Variants in RNF13 observed in about 807,000 individuals in gnomAD.
RNF13 encodes E3 ubiquitin-protein ligase RNF13.
A neutral mutation model predicts 37.7 loss-of-function variants in RNF13; 19 were observed. The observed-to-expected ratio is 0.50, with a 90% CI of 0.35 to 0.74. The LOEUF is 0.74. Among genes scored for constraint, RNF13 ranks in the 30% least tolerant of loss-of-function variants. The pLI, the probability that RNF13 is intolerant of heterozygous loss-of-function variation, is 0.01. For missense variants in RNF13, 375 were observed against 453.0 expected, an observed-to-expected ratio of 0.83 and a Z score of 1.56; for synonymous variants, 144 against 157.8, an observed-to-expected ratio of 0.91 and a Z score of 0.65.
chr3:149,867,678 A>G (rs974705284), intron 3 of RNF13, among the ~76,000 whole-genome samples: 3 of 151,808 alleles, frequency 2.0e-5, no homozygotes, highest in African/African-American at 7.2e-5. Flanking sequence ...GTGTATCTTT[A>G]TAGGTGAAGT....
At chr3:149,951,645 T>C (rs575758759) in intron 8 of RNF13, among the ~76,000 whole-genome samples, 1 of 152,338 alleles carries the variant, frequency 6.6e-6, no homozygotes, top group Admixed American at 6.5e-5. Flanking sequence ...TAGAATTAAG[T>C]TGGATTGGGA....
At chr3:149,934,951 G>A (rs542562097) in intron 8 of RNF13, among the ~76,000 whole-genome samples, 3 of 152,226 alleles carry the variant, frequency 2.0e-5, no homozygotes, top group East Asian at 3.9e-4. Flanking sequence ...TAAAAATCTA[G>A]TTTTATTCTG....
intron 1 of RNF13, among the ~76,000 whole-genome samples, chr3:149,824,037 T>C (rs1230501598): frequency 6.6e-6 from 1 of 152,146 alleles, no homozygotes; most frequent in East Asian, 1.9e-4. Context: ...AAGGAGGTGC[T>C]CAAGAATGTT....
chr3:149,824,566 T>G (rs893655434), intron 1 of RNF13, among the ~76,000 whole-genome samples: 1 of 152,310 alleles, frequency 6.6e-6, no homozygotes, highest in African/African-American at 2.4e-5. Context: ...TGTAAAACAT[T>G]TTCATTTAAA....
intron 6 of RNF13, among the ~76,000 whole-genome samples, chr3:149,910,251 GC>G (rs1716856822): frequency 6.6e-6 from 1 of 152,126 alleles, no homozygotes; most frequent in Admixed American, 6.5e-5. Flanking sequence ...ATCAAATAGA[GC>G]AGCTTAGGCC....
chr3:149,856,946 C>G (rs760981498), intron 3 of RNF13, among the ~76,000 whole-genome samples: 10 of 152,130 alleles, frequency 6.6e-5, no homozygotes, highest in Non-Finnish European at 1.5e-4. Flanking sequence ...GATGGGGTTT[C>G]ACCGTGTTAG....
intron 5 of RNF13, among the ~76,000 whole-genome samples, chr3:149,899,279 C>G (rs760500536): frequency 1.1e-4 from 17 of 152,200 alleles, no homozygotes; most frequent in Non-Finnish European, 2.2e-4. Context: ...AACCCCATCT[C>G]TACTAAATAT....
In RNF13 at chr3:149,961,450, T is replaced by C. The variant is rs1238611697; in HGVS notation, c.*346T>C. The C allele has an allele frequency of 2.3e-6, 1 of 435,024 alleles. No homozygotes were observed. The highest frequency in any genetic ancestry group is 4.5e-6 in the Non-Finnish European group (1 of 224,652). 26.9% of individuals were successfully genotyped at this position (435,024 alleles called of 1,614,324 possible). A position where few individuals can be genotyped will look rare whatever the true frequency, so the allele number is the denominator to read the frequency against. ...TGCGTTTTATACATGAGGTCAGTGC[T>C]ACAGCCACCTAGCATGAACTAACCC... On this transcript the variant is annotated 3_prime_UTR_variant, in exon 10 of 10. Transcript: ENST00000392894.
At chr3:149,853,455 GGAGAGAGAGAGAGAGAGAGAGAGA>G (rs397842025) in intron 3 of RNF13, among the ~76,000 whole-genome samples, 2 of 117,262 alleles carry the variant, frequency 1.7e-5, no homozygotes, top group African/African-American at 6.5e-5. Context: ...AGAGAGAGAG[GGAGAGAGAGAGAGAGAGAGAGAGA>G]GAGAGAGAGA....
chr3:149,889,784 A>T (rs906361319), intron 4 of RNF13, among the ~76,000 whole-genome samples: 1 of 151,124 alleles, frequency 6.6e-6, no homozygotes, highest in Non-Finnish European at 1.5e-5. Context: ...CCTCCTGAGT[A>T]GCTAGGACTA....
chr3:149,824,666 C>CT (rs549476269), intron 1 of RNF13, among the ~76,000 whole-genome samples: 1,894 of 139,364 alleles, frequency 0.014, 29 homozygotes, highest in African/African-American at 0.045. Context: ...TCCTTTGGGG[C>CT]TTTTTTTTTT....
chr3:149,869,413 G>A (rs996111905), intron 3 of RNF13, among the ~76,000 whole-genome samples: 2 of 151,630 alleles, frequency 1.3e-5, no homozygotes, highest in African/African-American at 2.4e-5. Context: ...AGACCATCCC[G>A]GCTAAAACGG....
chr3:149,950,423 G>C (rs114544247), intron 8 of RNF13, among the ~76,000 whole-genome samples: 2,553 of 152,292 alleles, frequency 0.017, 66 homozygotes, highest in African/African-American at 0.058. Context: ...TGTTAGTAGT[G>C]AGGTACAGGG....
At chr3:149,959,402 A>C (rs953646498) in intron 8 of RNF13, among the ~76,000 whole-genome samples, 13 of 85,056 alleles carry the variant, frequency 1.5e-4, no homozygotes, top group African/African-American at 4.4e-4. Flanking sequence ...TGAATTAATA[A>C]ATTTCTATGA....
At chr3:149,827,178 T>G (rs1036656392) in intron 1 of RNF13, among the ~76,000 whole-genome samples, 1 of 152,230 alleles carries the variant, frequency 6.6e-6, no homozygotes, top group African/African-American at 2.4e-5. Context: ...GCATCTGTAC[T>G]AAACATGTTA....
At chr3:149,855,814 G>A (rs1299157368) in intron 3 of RNF13, among the ~76,000 whole-genome samples, 1 of 151,898 alleles carries the variant, frequency 6.6e-6, no homozygotes, top group Non-Finnish European at 1.5e-5. Context: ...CTATACTCTT[G>A]CCAACACTGG....
chr3:149,869,758 G>C (rs1365676763), intron 3 of RNF13, among the ~76,000 whole-genome samples: 1 of 151,868 alleles, frequency 6.6e-6, no homozygotes, highest in Non-Finnish European at 1.5e-5. Flanking sequence ...TATTTATTCT[G>C]TTCTTCTCTG....
intron 3 of RNF13, among the ~76,000 whole-genome samples, chr3:149,867,765 A>G (rs1391420818): frequency 1.3e-5 from 2 of 151,766 alleles, no homozygotes; most frequent in Non-Finnish European, 2.9e-5. Flanking sequence ...TAATTGGAGA[A>G]TGGATTCCAT....
At chr3:149,931,197 G>A (rs985699387) in intron 8 of RNF13, among the ~76,000 whole-genome samples, 2 of 151,954 alleles carry the variant, frequency 1.3e-5, no homozygotes, top group Admixed American at 1.3e-4. Context: ...CCAAGTAACT[G>A]GAACTACAGG....
Sources: gnomAD v4.1 joint callset for allele counts (sites outside exome capture counted in the v4.1 genomes callset) on GRCh38, gnomAD v4.1.1 for gene constraint, MANE v1.5 for transcripts, NCBI Gene and HGNC (gene_info 2026-07-23, HGNC 2026-07-21) for gene names.